The following URB1 variants were observed in gnomAD, a reference collection of about 807,000 sequenced individuals.
URB1 encodes URB1 ribosome biogenesis factor.
URB1 carries 197 observed loss-of-function variants against 242.3 expected under a neutral mutation model. The observed-to-expected ratio is 0.81, with a 90% confidence interval of 0.72 to 0.91. URB1 has a LOEUF of 0.91. Among genes scored for constraint, URB1 ranks in the 40% least tolerant of loss-of-function variants. URB1 has a pLI of 0.00. For missense variants in URB1, 2,721 were observed against 2,860.5 expected (o/e 0.95, Z 1.11); for synonymous variants, 1,153 against 1,201.8 (o/e 0.96, Z 0.84).
intron 13 of URB1, among the ~76,000 whole-genome samples, chr21:32,360,368 C>G (rs950942545): frequency 1.3e-5 from 2 of 152,214 alleles, no homozygotes; most frequent in African/African-American, 4.8e-5. Flanking sequence ...TGGCCACATT[C>G]TAGTAAATTT....
In URB1 at chr21:32,363,215, C is replaced by T. The variant is rs775020928; in HGVS notation, c.1450G>A (p.Val484Met). ...LNKEVWQESG[V>M]YTAVMMEEFV... ...TCTTCCATCATCACAGCTGTGTACA[C>T]GCCTGATTCCTGCCACACCTCTTTA... Residue 484 changes from valine to methionine, a missense_variant, in exon 11 of 39, where the codon GTG (valine) becomes ATG (methionine). By Grantham distance (21) the Val-to-Met change is conservative (BLOSUM62 1). Transcript: ENST00000382751. The T allele has an allele frequency of 3.0e-5, 47 of 1,551,926 alleles. No homozygotes were observed. The highest frequency in any genetic ancestry group is 1.7e-4 in the Middle Eastern group (1 of 6,014).
intron 22 of URB1, among the ~76,000 whole-genome samples, chr21:32,345,800 TG>T (rs1230149290): frequency 1.7e-4 from 26 of 152,292 alleles, no homozygotes; most frequent in Non-Finnish European, 3.1e-4. Context: ...ACACTCTTGA[TG>T]GATACTCTTC....
intron 32 of URB1, among the ~76,000 whole-genome samples, chr21:32,323,537 G>C (rs2032792511): frequency 6.6e-6 from 1 of 152,212 alleles, no homozygotes. Flanking sequence ...GATTACACAT[G>C]TGCAGTACTC....
intron 1 of URB1, among the ~76,000 whole-genome samples, chr21:32,391,852 A>G (rs1241703060): frequency 8.6e-6 from 1 of 116,104 alleles, no homozygotes; most frequent in Admixed American, 8.8e-5. Flanking sequence ...ATCTCTACAA[A>G]AAGTAAAAAA....
rs762270847 is a variant in URB1 at position 32,357,696 on chromosome 21, A to C, written c.1870-40T>G. On this transcript the variant is annotated intron_variant, in intron 14 of 38. Coordinates refer to ENST00000382751, the MANE Select transcript of URB1 (RefSeq NM_014825.3). ...ATATTACGTATTTTTAGTATATATA[A>C]TTACATATATAATTTTAATATATAG... is the stretch of plus-strand genomic sequence containing the variant. The C allele has an allele frequency of 9.8e-6, 13 of 1,320,640 alleles. No homozygotes were observed. In the South Asian group the frequency reaches 1.8e-4, roughly 18 times the overall value. The allele number at this position is 1,320,640 out of a possible 1,614,324, so 81.8% of individuals were successfully genotyped here. A position where few individuals can be genotyped will look rare whatever the true frequency, so the allele number is the denominator to read the frequency against.
intron 24 of URB1, among the ~76,000 whole-genome samples, chr21:32,343,136 C>A (rs946412769): frequency 3.3e-5 from 5 of 151,980 alleles, no homozygotes; most frequent in Admixed American, 1.3e-4. Context: ...AAGGTTTCTA[C>A]AGGGAAATTC....
At chr21:32,363,087 G>C in intron 11 of URB1, 69 bp downstream of exon 11, 2 of 1,502,996 alleles carry the variant, frequency 1.3e-6, no homozygotes, top group Admixed American at 4.2e-5. Flanking sequence ...TTCCACCCTA[G>C]GGCTGCAGAA....
chr21:32,321,540 T>C (rs2032766005), intron 34 of URB1, among the ~76,000 whole-genome samples: 1 of 152,158 alleles, frequency 6.6e-6, no homozygotes, highest in South Asian at 2.1e-4. Flanking sequence ...GTATACACAG[T>C]AGGAGGGTTG....
At chr21:32,365,005 A>C (rs1312484774) in intron 10 of URB1, among the ~76,000 whole-genome samples, 1 of 152,238 alleles carries the variant, frequency 6.6e-6, no homozygotes, top group Non-Finnish European at 1.5e-5. Flanking sequence ...CCTTCCTTGG[A>C]GCCACTCCGT....
In URB1 at chr21:32,334,271, T is replaced by C. The variant is rs1172071061; in HGVS notation, c.4749A>G (p.Ser1583=). Residue 1583 remains serine, a synonymous_variant, in exon 29 of 39, where the codon TCA becomes TCG. Coordinates refer to ENST00000382751, the MANE Select transcript of URB1 (RefSeq NM_014825.3). Reference sequence around the variant, plus strand: ...CCCCGACACTCGGCTGCTGCCACAGTGACCTGCCCAGGCTCCGGCACGTCT... The same window carrying C: ...CCCCGACACTCGGCTGCTGCCACAGCGACCTGCCCAGGCTCCGGCACGTCT... ...HHKTCRSLGR[S]LWQQPSVGDI... is the part of the protein sequence containing the mutation. 5 of 1,551,436 alleles carry C rather than the reference T, an allele frequency of 3.2e-6. No homozygotes were observed. The highest frequency in any genetic ancestry group is 3.9e-5 in the Admixed American group (2 of 50,976).
intron 16 of URB1, 40 bp downstream of exon 16, chr21:32,355,409 T>C: frequency 2.0e-6 from 3 of 1,513,436 alleles, no homozygotes; most frequent in Non-Finnish European, 2.7e-6. Context: ...AATATAATTA[T>C]CTCTGAGCAT....
At position 32,317,853 on chromosome 21, in the gene URB1, G is replaced by A. The variant is rs1455571346; in HGVS notation, c.5857C>T (p.Arg1953Trp). The A allele has an allele frequency of 1.1e-5, 17 of 1,551,692 alleles. 1 individual carries two copies. Among genetic ancestry groups the A allele is most frequent in the South Asian group, 8.3e-5 (7 of 84,056 alleles). ...CTAAAGGCCTGTATGACAGTGGCCC[G>A]GTACCTCAGCACGGAGTCAAGTGTC... ...FGTLDSVLRY[R>W]ATVIQAFRDM... is the part of the protein sequence containing the mutation. The change falls in exon 37 of 39, where the codon CGG becomes TGG. Residue 1953 changes from arginine to tryptophan, a missense_variant. By Grantham distance (101) the Arg-to-Trp change is moderately radical (BLOSUM62 -3). Coordinates refer to ENST00000382751, the MANE Select transcript of URB1 (RefSeq NM_014825.3).
At chr21:32,365,756 G>T (rs1473114496) in intron 10 of URB1, among the ~76,000 whole-genome samples, 1 of 152,164 alleles carries the variant, frequency 6.6e-6, no homozygotes, top group Admixed American at 6.5e-5. Flanking sequence ...CTCACCATGT[G>T]GTCTCAGGAG....
Position 32,311,644 on chromosome 21 carries a change from G to C in URB1, c.*3274C>G. On this transcript the variant is annotated 3_prime_UTR_variant, in exon 39 of 39. Transcript: ENST00000382751. ...GCCCCACAGTATGGACTGTTCTGCA[G>C]CAACTATGATGCCTGCCTCCCACTC... The C allele has an allele frequency of 6.2e-7, 1 of 1,607,754 alleles. No homozygotes were observed. Among genetic ancestry groups the C allele is most frequent in the Non-Finnish European group, 8.5e-7 (1 of 1,177,022 alleles).
chr21:32,371,327 A>G (rs773495176), intron 8 of URB1, among the ~76,000 whole-genome samples: 2 of 152,204 alleles, frequency 1.3e-5, no homozygotes, highest in Non-Finnish European at 2.9e-5. Flanking sequence ...ACGCACACCC[A>G]CAAGTTGATT....
chr21:32,366,334 T>C (rs1182561475), intron 10 of URB1, among the ~76,000 whole-genome samples: 2 of 152,172 alleles, frequency 1.3e-5, no homozygotes, highest in Non-Finnish European at 2.9e-5. Context: ...CTAGAAAGGC[T>C]TGGAGGGATG....
chr21:32,373,030 T>C (rs2033422700), intron 7 of URB1, among the ~76,000 whole-genome samples: 1 of 152,080 alleles, frequency 6.6e-6, no homozygotes, highest in Non-Finnish European at 1.5e-5. Context: ...TCTTGAGAGG[T>C]GAATTATTAT....
chr21:32,366,831 A>T, intron 9 of URB1, 76 bp from the exon 10 acceptor site: 1 of 1,453,870 alleles, frequency 6.9e-7, no homozygotes, highest in South Asian at 1.3e-5. Flanking sequence ...AGGCACCCAA[A>T]GGTGAAGCCA....
intron 37 of URB1, 126 bp from the exon 38 acceptor site, chr21:32,317,191 T>A: frequency 7.5e-7 from 1 of 1,337,220 alleles, no homozygotes; most frequent in Non-Finnish European, 9.9e-7. Context: ...CCGGCCCTGC[T>A]CCCACGTCAG....
Sources: gnomAD v4.1 joint callset for allele counts (sites outside exome capture counted in the v4.1 genomes callset) on GRCh38, gnomAD v4.1.1 for gene constraint, MANE v1.5 for transcripts, NCBI Gene and HGNC (gene_info 2026-07-23, HGNC 2026-07-21) for gene names.